KCNB2: variants seen among roughly 807,000 people sequenced by gnomAD.
The protein encoded by KCNB2 is delayed rectifier potassium channel protein.
In KCNB2, 15 loss-of-function variants were observed where a neutral mutation model predicts 61.5. The observed-to-expected ratio is 0.24, with a 90% CI of 0.16 to 0.38. The LOEUF is 0.38. Among genes scored for constraint, KCNB2 ranks in the 10% least tolerant of loss-of-function variants. KCNB2 has a pLI of 1.00. For synonymous variants in KCNB2, 457 were observed against 446.0 expected, an observed-to-expected ratio of 1.02 and a Z score of -0.31; for missense variants, 828 against 1,125.2, an observed-to-expected ratio of 0.74 and a Z score of 3.78.
chr8:72,610,703 C>T (rs764208544), intron 2 of KCNB2, among the ~76,000 whole-genome samples: 6 of 151,960 alleles, frequency 3.9e-5, no homozygotes, highest in East Asian at 3.9e-4. Flanking sequence ...AATGTGGTTA[C>T]GGAATTCAGA....
intron 2 of KCNB2, among the ~76,000 whole-genome samples, chr8:72,772,462 G>C (rs1448009598): frequency 6.6e-6 from 1 of 152,198 alleles, no homozygotes; most frequent in African/African-American, 2.4e-5. Context: ...ACTGGGTTAA[G>C]GGGGTAGCTC....
intron 2 of KCNB2, among the ~76,000 whole-genome samples, chr8:72,892,291 G>A (rs1035326828): frequency 1.3e-5 from 2 of 152,134 alleles, no homozygotes; most frequent in African/African-American, 4.8e-5. Flanking sequence ...AGGTCTGTGT[G>A]TGTGGAAGGC....
chr8:72,640,648 A>G (rs1806039718), intron 2 of KCNB2, among the ~76,000 whole-genome samples: 1 of 152,122 alleles, frequency 6.6e-6, no homozygotes, highest in Admixed American at 6.6e-5. Flanking sequence ...GATCCTAAAT[A>G]GGAGACTATA....
At chr8:72,769,412 A>G (rs1341279391) in intron 2 of KCNB2, among the ~76,000 whole-genome samples, 1 of 152,168 alleles carries the variant, frequency 6.6e-6, no homozygotes, top group Non-Finnish European at 1.5e-5. Flanking sequence ...AGTCAGATAA[A>G]CAAACAAAAA....
At chr8:72,699,438 G>T (rs1807077525) in intron 2 of KCNB2, among the ~76,000 whole-genome samples, 1 of 76,678 alleles carries the variant, frequency 1.3e-5, no homozygotes, top group Non-Finnish European at 2.8e-5. Context: ...TTTTGATGGG[G>T]TTGTTTGTTT....
chr8:72,926,472 T>C (rs1175289663), intron 2 of KCNB2, among the ~76,000 whole-genome samples: 3 of 152,174 alleles, frequency 2.0e-5, no homozygotes, highest in African/African-American at 4.8e-5. Flanking sequence ...CAGGGATACA[T>C]GTGTAGGATA....
intron 2 of KCNB2, among the ~76,000 whole-genome samples, chr8:72,865,222 C>T (rs972883662): frequency 6.6e-6 from 1 of 152,092 alleles, no homozygotes; most frequent in Non-Finnish European, 1.5e-5. Context: ...CCTTGCCACT[C>T]CTGTTTTCAT....
chr8:72,887,481 G>T (rs892001656), intron 2 of KCNB2, among the ~76,000 whole-genome samples: 4 of 152,214 alleles, frequency 2.6e-5, no homozygotes. Flanking sequence ...AACTCTGTAC[G>T]AGCTCATCAG....
intron 2 of KCNB2, among the ~76,000 whole-genome samples, chr8:72,600,436 C>A (rs2128982426): frequency 6.6e-6 from 1 of 151,792 alleles, no homozygotes; most frequent in Admixed American, 6.6e-5. Context: ...CACACTGGGG[C>A]CTGTTGTGGG....
chr8:72,725,523 A>G (rs1383378326), intron 2 of KCNB2, among the ~76,000 whole-genome samples: 6 of 50,686 alleles, frequency 1.2e-4, no homozygotes, highest in African/African-American at 4.9e-4. Flanking sequence ...ATATATATAT[A>G]TATATATATA....
chr8:72,841,556 T>C (rs1350375968), intron 2 of KCNB2, among the ~76,000 whole-genome samples: 1 of 152,130 alleles, frequency 6.6e-6, no homozygotes, highest in African/African-American at 2.4e-5. Context: ...TGATTCTTCC[T>C]ATCCATGAGC....
intron 2 of KCNB2, among the ~76,000 whole-genome samples, chr8:72,803,405 A>C (rs1445964411): frequency 6.6e-6 from 1 of 152,170 alleles, no homozygotes; most frequent in Non-Finnish European, 1.5e-5. Context: ...GAATGTTCCA[A>C]AAGCCATTAT....
At chr8:72,778,733 C>CA (rs753797385) in intron 2 of KCNB2, among the ~76,000 whole-genome samples, 919 of 14,106 alleles carry the variant, frequency 0.065, 229 homozygotes, top group Middle Eastern at 0.1. Context: ...ACAGAGCGAG[C>CA]AAAAAAAAAA....
chr8:72,681,410 T>C (rs1267358236), intron 2 of KCNB2, among the ~76,000 whole-genome samples: 2 of 152,154 alleles, frequency 1.3e-5, no homozygotes, highest in Non-Finnish European at 2.9e-5. Context: ...AACCCAGGCC[T>C]ACACAGCACC....
At chr8:72,667,041 GCAGA>G (rs1806486953) in intron 2 of KCNB2, among the ~76,000 whole-genome samples, 1 of 151,772 alleles carries the variant, frequency 6.6e-6, no homozygotes, top group Non-Finnish European at 1.5e-5. Context: ...GATGGAGAGA[GCAGA>G]GAGAGATAGA....
intron 2 of KCNB2, among the ~76,000 whole-genome samples, chr8:72,850,240 A>G (rs10102660): frequency 1 from 150,667 of 150,894 alleles, 75,220 homozygotes; most frequent in Middle Eastern, 1. Context: ...TGTGTGTGTA[A>G]ATAGAGTCTC....
In KCNB2 at chr8:72,568,073, A is replaced by G; in HGVS notation, c.339A>G (p.Glu113=). 6.2e-7 allele frequency: 1 copy of G among 1,614,178 alleles called. No individual in the cohort carries two copies. The highest frequency in any genetic ancestry group is 8.5e-7 in the Non-Finnish European group (1 of 1,180,024). The change falls in exon 2 of 3, where the codon GAA becomes GAG. Residue 113 remains glutamate (E), a synonymous_variant. Coordinates refer to ENST00000523207, the MANE Select transcript of KCNB2 (RefSeq NM_004770.3). The part of the protein sequence containing the change: ...YRTGKLHMME[E]MCALSFGQEL... ...CCGGGAAACTCCATATGATGGAAGAAATGTGTGCACTTTCGTTTGGCCAAG... is the reference window on the plus strand; with the variant it reads ...CCGGGAAACTCCATATGATGGAAGAGATGTGTGCACTTTCGTTTGGCCAAG...
chr8:72,726,368 T>C (rs1451769619), intron 2 of KCNB2, among the ~76,000 whole-genome samples: 1 of 152,220 alleles, frequency 6.6e-6, no homozygotes, highest in Admixed American at 6.5e-5. Context: ...CCACACACTC[T>C]ATGGCATTTT....
In KCNB2 at chr8:72,937,096, T is replaced by C; in HGVS notation, c.1741T>C (p.Cys581Arg). The C allele has an allele frequency of 6.2e-7, 1 of 1,614,112 alleles. No individual in the cohort carries two copies. The highest frequency in any genetic ancestry group is 1.3e-5 in the African/African-American group (1 of 75,020). ...EEEIEMEEVVCPQEQLAVAQT... is the reference protein window; with the variant it reads ...EEEIEMEEVVRPQEQLAVAQT... ...AGAGATTGAAATGGAAGAAGTGGTG[T>C]GTCCACAGGAGCAGCTGGCCGTGGC... The change falls in exon 3 of 3, where the codon TGT becomes CGT. Residue 581 changes from cysteine to arginine, a missense_variant. Physicochemically the swap from Cys to Arg is radical, Grantham distance 180. Coordinates refer to ENST00000523207, the MANE Select transcript of KCNB2 (RefSeq NM_004770.3).
Sources: allele counts gnomAD v4.1 joint callset (sites outside exome capture counted in the v4.1 genomes callset), GRCh38; gene constraint gnomAD v4.1.1; transcripts MANE v1.5; gene names NCBI Gene and HGNC (gene_info 2026-07-23, HGNC 2026-07-21).